The following NFIA variants were observed in gnomAD, a reference collection of about 807,000 sequenced individuals.
NFIA encodes the protein nuclear factor 1 A-type.
Under a neutral mutation model 62.8 loss-of-function variants are expected in NFIA, and 8 were observed. That is an observed-to-expected ratio of 0.13 (90% CI 0.07 to 0.23). The LOEUF (loss-of-function observed/expected upper bound fraction) is 0.23, where lower values mean the gene tolerates loss of function less well. Ranked by LOEUF, NFIA falls within the 10% of genes least tolerant of loss-of-function variation. The pLI, the probability that NFIA is intolerant of heterozygous loss-of-function variation, is 1.00. For missense variants in NFIA, 410 were observed against 642.1 expected, an observed-to-expected ratio of 0.64 and a Z score of 3.91; for synonymous variants, 235 against 238.1, an observed-to-expected ratio of 0.99 and a Z score of 0.12.
chr1:61,270,932 G>A (rs937960652), intron 2 of NFIA, among the ~76,000 whole-genome samples: 4 of 152,144 alleles, frequency 2.6e-5, no homozygotes, highest in Middle Eastern at 3.2e-3. Context: ...TAGTCAAAGC[G>A]TCTTCTCAAA....
chr1:61,260,666 C>T (rs556525119), intron 2 of NFIA, among the ~76,000 whole-genome samples: 7 of 152,264 alleles, frequency 4.6e-5, no homozygotes, highest in Admixed American at 2.0e-4. Flanking sequence ...CTGCAAGCTC[C>T]GCCTCCCGGG....
intron 2 of NFIA, among the ~76,000 whole-genome samples, chr1:61,189,861 T>C (rs1651494737): frequency 6.6e-6 from 1 of 152,162 alleles, no homozygotes; most frequent in Admixed American, 6.5e-5. Context: ...AGAAACTCAC[T>C]GAATACTTAC....
At position 61,427,274 on chromosome 1, in the gene NFIA, G is replaced by A. The variant is rs575472767; in HGVS notation, c.1512+718G>A. Among the ~76,000 whole-genome samples, 5 of 152,292 alleles carry A rather than the reference G, an allele frequency of 3.3e-5. No individual in the cohort carries two copies. In the South Asian group the frequency reaches 1.0e-3, roughly 32 times the overall value. The stretch of plus-strand genomic sequence containing the variant: ...AGTTTTGGAATGGCTGCTGTATATT[G>A]AGAAACAGTAAAAGGCTTTTTAAGT... On this transcript the variant is annotated intron_variant, in intron 10 of 10. Coordinates refer to ENST00000403491, the MANE Select transcript of NFIA (RefSeq NM_001134673.4).
chr1:61,313,192 T>C (rs1660203448), intron 3 of NFIA, among the ~76,000 whole-genome samples: 3 of 152,168 alleles, frequency 2.0e-5, no homozygotes, highest in African/African-American at 7.2e-5. Context: ...ACCAGGTTGT[T>C]TGATGAACCA....
At chr1:61,133,067 A>AAAACGATC (rs1245310949) in intron 2 of NFIA, 2 of 152,246 alleles carry the variant, frequency 1.3e-5, no homozygotes, top group Non-Finnish European at 2.9e-5. Flanking sequence ...GTGTGTGCTT[A>AAAACGATC]AAACGATCCT....
chr1:61,264,630 G>A lies in NFIA; in HGVS notation c.560-12890G>A, dbSNP rs1362058729. Among the ~76,000 whole-genome samples the A allele has an allele frequency of 4.1e-5, 4 of 98,108 alleles. No homozygotes were observed. In the East Asian group the frequency reaches 8.5e-4, roughly 21 times the overall value. 64.4% of individuals were successfully genotyped at this position (98,108 alleles called of 152,430 possible). On this transcript the variant is annotated intron_variant, in intron 2 of 10. Transcript: ENST00000403491. ...CGCACCATTGCACTCCAGCCTGGGC[G>A]ATAAGAGCAAAACTCCACCTTACAA...
chr1:61,258,632 A>G (rs1012186459), intron 2 of NFIA, among the ~76,000 whole-genome samples: 2 of 152,208 alleles, frequency 1.3e-5, no homozygotes, highest in Non-Finnish European at 2.9e-5. Context: ...GTCACATACT[A>G]TAGAAATATT....
At chr1:61,290,101 A>G (rs1658779388) in intron 3 of NFIA, among the ~76,000 whole-genome samples, 2 of 150,054 alleles carry the variant, frequency 1.3e-5, no homozygotes, top group South Asian at 4.2e-4. Flanking sequence ...TTTTTTCTAC[A>G]GTCTCAAGTA....
At chr1:61,180,179 ACCCAC>A (rs941912845) in intron 2 of NFIA, among the ~76,000 whole-genome samples, 4 of 150,230 alleles carry the variant, frequency 2.7e-5, no homozygotes, top group Non-Finnish European at 4.4e-5. Flanking sequence ...CCTTCACCCC[ACCCAC>A]CCCAGTTAGC....
chr1:61,257,800 C>T (rs1293487770), intron 2 of NFIA, among the ~76,000 whole-genome samples: 1 of 151,792 alleles, frequency 6.6e-6, no homozygotes, highest in Non-Finnish European at 1.5e-5. Context: ...GCCTCAAACT[C>T]CTGGACTTAG....
intron 5 of NFIA, among the ~76,000 whole-genome samples, chr1:61,353,987 C>G (rs373343765): frequency 6.6e-6 from 1 of 152,160 alleles, no homozygotes; most frequent in South Asian, 2.1e-4. Flanking sequence ...TTTGCAAATA[C>G]CTGTGGGCAG....
chr1:61,185,149 CAT>C lies in NFIA; in HGVS notation c.560-92370_560-92369del, dbSNP rs370092734. Reference sequence around the variant, plus strand: ...TACATGCTTTATCTTTGCACCCTGACATGTGTTAAGTGAGTCAAATCTTCCTG... The same window carrying C: ...TACATGCTTTATCTTTGCACCCTGACGTGTTAAGTGAGTCAAATCTTCCTG... On this transcript the variant is annotated intron_variant, in intron 2 of 10. Coordinates refer to ENST00000403491, the MANE Select transcript of NFIA (RefSeq NM_001134673.4). Among the ~76,000 whole-genome samples, 214 of 152,120 alleles carry C rather than the reference CAT, an allele frequency of 1.4e-3. 4 individuals carry two copies. The highest frequency in any genetic ancestry group is 4.7e-3 in the African/African-American group (194 of 41,450).
At chr1:61,247,297 G>A (rs971747968) in intron 2 of NFIA, among the ~76,000 whole-genome samples, 11 of 152,200 alleles carry the variant, frequency 7.2e-5, no homozygotes, top group South Asian at 2.1e-4. Context: ...CAAGTGAAAC[G>A]TGTACTTCAC....
At chr1:61,215,274 A>G (rs866077659) in intron 2 of NFIA, among the ~76,000 whole-genome samples, 1 of 152,186 alleles carries the variant, frequency 6.6e-6, no homozygotes, top group African/African-American at 2.4e-5. Context: ...TTTTTGTTGT[A>G]TGCAACACAG....
At chr1:61,237,460 G>A (rs1438559396) in intron 2 of NFIA, among the ~76,000 whole-genome samples, 1 of 152,148 alleles carries the variant, frequency 6.6e-6, no homozygotes, top group African/African-American at 2.4e-5. Context: ...CTCTGGCAGA[G>A]AAAATATTGT....
intron 9 of NFIA, among the ~76,000 whole-genome samples, chr1:61,421,799 T>G (rs1476243159): frequency 6.6e-6 from 1 of 152,204 alleles, no homozygotes; most frequent in East Asian, 1.9e-4. Flanking sequence ...GAAATCTGGC[T>G]AAATTTTCTC....
intron 7 of NFIA, among the ~76,000 whole-genome samples, chr1:61,403,794 C>T (rs1036546900): frequency 6.6e-6 from 1 of 152,160 alleles, no homozygotes; most frequent in Non-Finnish European, 1.5e-5. Context: ...TTTTTTATTG[C>T]TTGCTTCATT....
rs138939826 is a variant in NFIA at position 61,168,489 on chromosome 1, T to C, written c.559+79809T>C. On this transcript the variant is annotated intron_variant, in intron 2 of 10. Transcript: ENST00000403491. ...AAACAGCATTATTTATAACATTAACTAGAATTAAATATACAGCTGGGTGAG... is the reference window on the plus strand; with the variant it reads ...AAACAGCATTATTTATAACATTAACCAGAATTAAATATACAGCTGGGTGAG... Among the ~76,000 whole-genome samples, 1,391 of 152,328 alleles carry C rather than the reference T, an allele frequency of 9.1e-3. 17 individuals carry two copies. The highest frequency in any genetic ancestry group is 0.061 in the Middle Eastern group (18 of 294).
intron 2 of NFIA, among the ~76,000 whole-genome samples, chr1:61,111,136 C>T (rs1489703045): frequency 6.6e-6 from 1 of 151,934 alleles, no homozygotes; most frequent in East Asian, 1.9e-4. Context: ...CCTCACAGTC[C>T]CTGAAGAACA....
Sources: allele counts gnomAD v4.1 joint callset (sites outside exome capture counted in the v4.1 genomes callset), GRCh38; gene constraint gnomAD v4.1.1; transcripts MANE v1.5; gene names NCBI Gene and HGNC (gene_info 2026-07-23, HGNC 2026-07-21).